The following DLG2 variants were observed in gnomAD, a reference collection of about 807,000 sequenced individuals.
DLG2 encodes the protein disks large homolog 2.
In DLG2, 45 loss-of-function variants were observed where a neutral mutation model predicts 132.5. The observed-to-expected ratio is 0.34, with a 90% CI of 0.27 to 0.44. DLG2 has a LOEUF of 0.44. DLG2 is among the 20% of genes least tolerant of loss of function. The pLI, the probability that DLG2 is intolerant of heterozygous loss-of-function variation, is 1.00. For synonymous variants in DLG2, 424 were observed against 419.6 expected, an observed-to-expected ratio of 1.01 and a Z score of -0.13; for missense variants, 1,045 against 1,196.9, an observed-to-expected ratio of 0.87 and a Z score of 1.87.
At chr11:83,794,016 C>T (rs1276061867) in intron 17 of DLG2, among the ~76,000 whole-genome samples, 1 of 152,170 alleles carries the variant, frequency 6.6e-6, no homozygotes, top group Non-Finnish European at 1.5e-5. Flanking sequence ...CTGAAGTTAG[C>T]ATAGGGATAG....
intron 15 of DLG2, among the ~76,000 whole-genome samples, chr11:83,883,268 C>G (rs1335099817): frequency 1.3e-5 from 2 of 152,108 alleles, no homozygotes; most frequent in African/African-American, 4.8e-5. Context: ...GGTGTTATTT[C>G]CAATGTCTAA....
chr11:83,645,853 T>G (rs2068003776), intron 18 of DLG2: 1 of 152,128 alleles, frequency 6.6e-6, no homozygotes, highest in African/African-American at 2.4e-5. Context: ...TTTTTTCCAT[T>G]GTTATTTGCT....
chr11:84,958,866 A>G (rs996216030), intron 6 of DLG2, among the ~76,000 whole-genome samples: 5 of 152,204 alleles, frequency 3.3e-5, no homozygotes, highest in African/African-American at 1.2e-4. Flanking sequence ...TATGTTCTCT[A>G]TAACTGACCA....
At chr11:84,759,851 G>T (rs2067370554) in intron 6 of DLG2, among the ~76,000 whole-genome samples, 1 of 151,434 alleles carries the variant, frequency 6.6e-6, no homozygotes, top group South Asian at 2.1e-4. Context: ...TTATACATAG[G>T]GATCCTGGTA....
chr11:84,329,510 G>T (rs1599988475), intron 7 of DLG2, among the ~76,000 whole-genome samples: 1 of 152,180 alleles, frequency 6.6e-6, no homozygotes, highest in East Asian at 1.9e-4. Flanking sequence ...CTGCTGCCAT[G>T]TGAAGAAGGG....
chr11:84,592,760 A>G (rs548477341), intron 6 of DLG2, among the ~76,000 whole-genome samples: 97 of 151,634 alleles, frequency 6.4e-4, no homozygotes, highest in African/African-American at 2.2e-3. Flanking sequence ...TCAAAACCCC[A>G]ATGAGATACC....
At chr11:83,891,686 A>G (rs1168342066) in intron 15 of DLG2, among the ~76,000 whole-genome samples, 3 of 152,134 alleles carry the variant, frequency 2.0e-5, no homozygotes, top group Non-Finnish European at 4.4e-5. Context: ...GAGCAAATAG[A>G]ACCCTTTACC....
At chr11:83,754,052 C>T (rs557455006) in intron 18 of DLG2, among the ~76,000 whole-genome samples, 1 of 149,654 alleles carries the variant, frequency 6.7e-6, no homozygotes, top group Non-Finnish European at 1.5e-5. Flanking sequence ...TGCACATAAA[C>T]AATGCTTTTG....
intron 7 of DLG2, among the ~76,000 whole-genome samples, chr11:84,369,560 C>CATAATGAAGACATAATGAAGACATAAATG (rs2098697856): frequency 6.6e-6 from 1 of 152,042 alleles, no homozygotes. Flanking sequence ...GACATACACA[C>CATAATGAAGACATAATGAAGACATAAATG]AAGGAATAGC....
chr11:85,329,107 T>C (rs2081572611), intron 3 of DLG2, among the ~76,000 whole-genome samples: 1 of 53,234 alleles, frequency 1.9e-5, no homozygotes, highest in Non-Finnish European at 3.6e-5. Context: ...TACAAACCAC[T>C]GCTCAAGGAA....
At chr11:83,935,187 A>T (rs1360637617) in intron 14 of DLG2, among the ~76,000 whole-genome samples, 3 of 152,198 alleles carry the variant, frequency 2.0e-5, no homozygotes, top group African/African-American at 7.2e-5. Flanking sequence ...CAGATGCCTA[A>T]GTATCTAATA....
chr11:84,118,158 G>T (rs1271514316), intron 9 of DLG2, among the ~76,000 whole-genome samples: 1 of 152,054 alleles, frequency 6.6e-6, no homozygotes, highest in African/African-American at 2.4e-5. Flanking sequence ...CCACCCAGCT[G>T]GCTTTATCTT....
At chr11:85,069,222 C>T (rs560841003) in intron 6 of DLG2, among the ~76,000 whole-genome samples, 25 of 152,148 alleles carry the variant, frequency 1.6e-4, no homozygotes, top group African/African-American at 5.3e-4. Flanking sequence ...TAGGCAATAC[C>T]ATTCAGGACA....
intron 6 of DLG2, chr11:84,720,454 G>C (rs2061680659): frequency 1.0e-6 from 1 of 985,126 alleles, no homozygotes; most frequent in Non-Finnish European, 1.2e-6. Context: ...TGTGCTCGCC[G>C]GGCACATGGA....
intron 4 of DLG2, among the ~76,000 whole-genome samples, chr11:85,251,871 T>C (rs1422621704): frequency 2.0e-5 from 3 of 152,208 alleles, no homozygotes; most frequent in Non-Finnish European, 1.5e-5. Flanking sequence ...ATTTTTGAAC[T>C]CTAAATAAAT....
At chr11:84,557,870 G>A (rs2099415085) in intron 6 of DLG2, among the ~76,000 whole-genome samples, 1 of 151,982 alleles carries the variant, frequency 6.6e-6, no homozygotes, top group Non-Finnish European at 1.5e-5. Flanking sequence ...TCTGTTCCGT[G>A]CTTTCTCCAA....
chr11:85,309,369 G>C (rs2080169467), intron 3 of DLG2, among the ~76,000 whole-genome samples: 1 of 149,956 alleles, frequency 6.7e-6, no homozygotes, highest in Non-Finnish European at 1.5e-5. Flanking sequence ...TACAGTAATA[G>C]CAAACTGATG....
intron 8 of DLG2, among the ~76,000 whole-genome samples, chr11:84,193,557 C>T (rs765629728): frequency 6.6e-6 from 1 of 152,202 alleles, no homozygotes; most frequent in Non-Finnish European, 1.5e-5. Flanking sequence ...GCTAATGCAA[C>T]TAATTCTGTC....
intron 4 of DLG2, among the ~76,000 whole-genome samples, chr11:85,205,340 C>G (rs2081808031): frequency 6.6e-6 from 1 of 151,632 alleles, no homozygotes; most frequent in Admixed American, 6.6e-5. Context: ...AAAAGTGGAT[C>G]TCATGGAGGT....
Sources: gnomAD v4.1 joint callset for allele counts (sites outside exome capture counted in the v4.1 genomes callset) on GRCh38, gnomAD v4.1.1 for gene constraint, MANE v1.5 for transcripts, NCBI Gene and HGNC (gene_info 2026-07-23, HGNC 2026-07-21) for gene names.